Variants in COL6A1 observed in about 807,000 individuals in gnomAD.
COL6A1 encodes the protein collagen type VI alpha 1 chain, also known as collagen alpha-1(VI) chain.
A neutral mutation model predicts 145.6 loss-of-function variants in COL6A1; 80 were observed. The ratio of observed to expected loss-of-function variants is 0.55; its 90% CI spans 0.46 to 0.66. The LOEUF (loss-of-function observed/expected upper bound fraction) is 0.66, where lower values mean the gene tolerates loss of function less well. COL6A1 is among the 30% of genes least tolerant of loss of function. The pLI, the probability that COL6A1 is intolerant of heterozygous loss-of-function variation, is 0.00. For synonymous variants in COL6A1, 638 were observed against 622.8 expected (o/e 1.02, Z -0.36); for missense variants, 1,364 against 1,473.8 (o/e 0.93, Z 1.22).
chr21:45,998,023 G>C, intron 22 of COL6A1, 98 bp from the exon 23 acceptor site: 4 of 1,470,542 alleles, frequency 2.7e-6, no homozygotes, highest in Non-Finnish European at 3.7e-6. Flanking sequence ...TGGGCTGACG[G>C]AGGGGCCCTG....
intron 11 of COL6A1, among the ~76,000 whole-genome samples, 193 bp downstream of exon 11, chr21:45,989,971 T>C (rs980781092): frequency 6.6e-6 from 1 of 152,024 alleles, no homozygotes; most frequent in African/African-American, 2.4e-5. Flanking sequence ...CAAAGGCGCC[T>C]GTGTCACTTT....
Position 45,990,820 on chromosome 21 carries a change from G to T in COL6A1, c.1050G>T (p.Gly350=), listed in dbSNP as rs760497955. Residue 350 remains glycine, a synonymous_variant, in exon 14 of 35, where the codon GGG becomes GGT. Coordinates refer to ENST00000361866, the MANE Select transcript of COL6A1 (RefSeq NM_001848.3). ...TGCCAGGCTGCAAGGGCTCGCCCGGGTTTGACGTAAGTCACTTCCTCTCAC... is the reference window on the plus strand; with the variant it reads ...TGCCAGGCTGCAAGGGCTCGCCCGGTTTTGACGTAAGTCACTTCCTCTCAC... ...PGLPGCKGSP[G]FDGIQGPPGP... The T allele has an allele frequency of 2.5e-6, 4 of 1,613,452 alleles. No individual in the cohort carries two copies. Among genetic ancestry groups the T allele is most frequent in the Non-Finnish European group, 2.5e-6 (3 of 1,180,002 alleles).
Position 45,990,303 on chromosome 21 carries a change from G to T in COL6A1, c.957+19G>T. 1 of 1,612,846 alleles carries T rather than the reference G, an allele frequency of 6.2e-7. No individual in the cohort carries two copies. Among genetic ancestry groups the T allele is most frequent in the Non-Finnish European group, 8.5e-7 (1 of 1,179,998 alleles). The stretch of plus-strand genomic sequence containing the variant: ...CTACAAGGTGAGCGTGGGCTGCTGG[G>T]AGGGGGGAGTTCTGCCCCCACGGCA... On this transcript the variant is annotated intron_variant, in intron 12 of 34. Transcript: ENST00000361866.
At chr21:45,983,351 C>T (rs1299565165) in intron 2 of COL6A1, among the ~76,000 whole-genome samples, 4 of 145,528 alleles carry the variant, frequency 2.7e-5, no homozygotes, top group African/African-American at 8.0e-5. Context: ...GAGGACAGAC[C>T]GGGGGGAGAG....
rs746716644 is a variant in COL6A1, at chr21:45,989,760, A to C, written c.912A>C (p.Lys304Asn). Residue 304 changes from lysine (K) to asparagine (N), a missense_variant, in exon 11 of 35, where the codon AAA (lysine) becomes AAC (asparagine). Physicochemically the swap from Lys to Asn is moderately conservative, Grantham distance 94 (BLOSUM62 0). Around this residue, in one of 3 missense-constraint regions of COL6A1, gnomAD observed 414 missense variants for 437.6 expected, o/e 0.95. Transcript: ENST00000361866. ...TTCCGCTGGGTGTGTAGGGAGAAAA[A>C]GGGAGCCGTGGGGAGAAGGTGAGTG... ...PVGYQGMKGE[K>N]GSRGEKGSRG... 2 of 1,612,792 alleles carry C rather than the reference A, an allele frequency of 1.2e-6. No individual in the cohort carries two copies. Among genetic ancestry groups the C allele is most frequent in the South Asian group, 2.2e-5 (2 of 91,072 alleles).
chr21:45,994,015 G>T lies in COL6A1; in HGVS notation c.1336-152G>T, dbSNP rs2850174. On this transcript the variant is annotated intron_variant, in intron 19 of 34. Coordinates refer to ENST00000361866, the MANE Select transcript of COL6A1 (RefSeq NM_001848.3). The surrounding 1 kb of genome is among the most constrained non-coding windows in gnomAD (Gnocchi z 6.8). ...GGCCACGCACGTGGGCCGAGGAAAC[G>T]CTTGGCGAGGCCAGGAAGGGGCTGT... is the stretch of plus-strand genomic sequence containing the variant. 0.77 allele frequency: 620,439 copies of T among 804,036 alleles called. 240,520 individuals carry two copies. Among genetic ancestry groups the T allele is most frequent in the East Asian group, 0.88 (32,664 of 37,188 alleles). 49.8% of individuals were successfully genotyped at this position (804,036 alleles called of 1,614,324 possible).
intron 23 of COL6A1, 97 bp from the exon 24 acceptor site, chr21:45,998,301 C>CG (rs1333306902): frequency 8.2e-6 from 13 of 1,589,294 alleles, no homozygotes; most frequent in Non-Finnish European, 1.1e-5. Flanking sequence ...ATTCCATGGC[C>CG]GGGATTCTGT....
chr21:45,984,174 G>A (rs2077723986), intron 2 of COL6A1, 95 bp from the exon 3 acceptor site: 2 of 1,230,242 alleles, frequency 1.6e-6, no homozygotes, highest in Non-Finnish European at 1.2e-6. Flanking sequence ...CCAGGGTGGG[G>A]CAGCCTGTCC....
rs2077863754 is a variant in COL6A1, at chr21:46,003,742, T to C, written c.2816T>C (p.Leu939Pro). The C allele has an allele frequency of 1.2e-6, 2 of 1,612,778 alleles. No homozygotes were observed. The highest frequency in any genetic ancestry group is 1.7e-6 in the Non-Finnish European group (2 of 1,179,884). Residue 939 changes from leucine (L) to proline (P), a missense_variant, in exon 35 of 35, where the codon CTG becomes CCG. Leu to Pro is a moderately conservative substitution (Grantham distance 98). Transcript: ENST00000361866. ...EASSGAAKKR[L>P]LLFSDGNSQG... The stretch of plus-strand genomic sequence containing the variant: ...TCGTCCGGCGCTGCCAAGAAGAGGC[T>C]GCTGCTCTTCTCAGATGGCAACTCG...
At chr21:45,990,628 G>T in intron 13 of COL6A1, 145 bp from the exon 14 acceptor site, 1 of 805,042 alleles carries the variant, frequency 1.2e-6, no homozygotes, top group South Asian at 1.4e-5. Flanking sequence ...GGTGGACGGT[G>T]TGAAGGTGAC....
intron 3 of COL6A1, among the ~76,000 whole-genome samples, chr21:45,984,813 C>T (rs2077728664): frequency 6.7e-6 from 1 of 149,228 alleles, no homozygotes; most frequent in Non-Finnish European, 1.5e-5. Flanking sequence ...CACAGAGAGA[C>T]AGAGACGGGA....
Position 45,999,157 on chromosome 21 carries a change from A to G in COL6A1, c.1679A>G (p.Asn560Ser), listed in dbSNP as rs1281514900. Residue 560 changes from asparagine (N) to serine (S), a missense_variant, in exon 26 of 35, where the codon AAC becomes AGC. Physicochemically the swap from Asn to Ser is conservative, Grantham distance 46 (BLOSUM62 1). Transcript: ENST00000361866. Reference protein sequence around the residue: ...GEAGDPGDDNNDIAPRGVKGA... With the variant: ...GEAGDPGDDNSDIAPRGVKGA... Reference sequence around the variant, plus strand: ...CACAACGCTGTTCCCTTCTAGAACAACGACATTGCACCCCGAGGAGTCAAA... The same window carrying G: ...CACAACGCTGTTCCCTTCTAGAACAGCGACATTGCACCCCGAGGAGTCAAA... 5 of 1,599,760 alleles carry G rather than the reference A, an allele frequency of 3.1e-6. No homozygotes were observed. Among genetic ancestry groups the G allele is most frequent in the Non-Finnish European group, 4.3e-6 (5 of 1,174,090 alleles).
rs776819960 is a variant in COL6A1 at position 46,003,830 on chromosome 21, G to A, written c.2904G>A (p.Glu968=). The A allele has an allele frequency of 6.2e-7, 1 of 1,603,682 alleles. No individual in the cohort carries two copies. The highest frequency in any genetic ancestry group is 8.5e-7 in the Non-Finnish European group (1 of 1,172,556). ...AGGAAGCCCAGCGGGCAGGCATCGA[G>A]ATCTTCGTGGTGGTCGTGGGCCGCC... The part of the protein sequence containing the change: ...AVQEAQRAGI[E]IFVVVVGRQV... The change falls in exon 35 of 35, where the codon GAG becomes GAA. Residue 968 remains glutamate, a synonymous_variant. Transcript: ENST00000361866.
chr21:46,000,390 C>T (rs1377170143), intron 28 of COL6A1, 23 bp downstream of exon 28: 2 of 1,613,742 alleles, frequency 1.2e-6, no homozygotes, highest in East Asian at 2.2e-5. Flanking sequence ...GAGAAGCCGT[C>T]CTCGTTAGGG....
Position 46,001,999 on chromosome 21 carries a change from C to A in COL6A1, c.1995C>A (p.Tyr665Ter). The change falls in exon 31 of 35, where the codon TAC (tyrosine) becomes TAA (stop). Residue 665 changes from tyrosine (Y) to a stop codon, truncating the protein, a stop_gained. Transcript: ENST00000361866. LOFTEE classifies it high-confidence loss of function. ...AGTCGTACGCGGGTGTGGTGCAGTA[C>A]AGCCACAGCCAGATGCAGGAGCACG... ...PGQSYAGVVQ[Y>*]SHSQMQEHVS... 1 of 1,612,712 alleles carries A rather than the reference C, an allele frequency of 6.2e-7. No homozygotes were observed. Among genetic ancestry groups the A allele is most frequent in the South Asian group, 1.1e-5 (1 of 91,040 alleles).
chr21:45,990,216 C>A, intron 11 of COL6A1, 42 bp from the exon 12 acceptor site: 1 of 1,612,126 alleles, frequency 6.2e-7, no homozygotes, highest in East Asian at 2.2e-5. Flanking sequence ...CCTGCCCTCC[C>A]CACCCCAAAT....
intron 21 of COL6A1, 44 bp from the exon 22 acceptor site, chr21:45,997,656 A>C: frequency 6.4e-7 from 1 of 1,567,162 alleles, no homozygotes; most frequent in Non-Finnish European, 8.7e-7. Flanking sequence ...CTCCAAGGTC[A>C]CCATGCTAAG....
chr21:45,999,873 A>AGGG (rs2077828847), intron 27 of COL6A1, among the ~76,000 whole-genome samples, 181 bp downstream of exon 27: 1 of 5,992 alleles, frequency 1.7e-4, no homozygotes, highest in Non-Finnish European at 3.4e-4. Flanking sequence ...TGAGGATCAT[A>AGGG]GGGGGATGTG....
intron 19 of COL6A1, 56 bp downstream of exon 19, chr21:45,992,866 G>A: frequency 6.6e-7 from 1 of 1,504,926 alleles, no homozygotes; most frequent in Non-Finnish European, 9.1e-7. Flanking sequence ...GGCGGAGGCT[G>A]GGGCTGGGTC....
Sources: gnomAD v4.1 joint callset for allele counts (sites outside exome capture counted in the v4.1 genomes callset) on GRCh38, gnomAD v4.1.1 for gene constraint, gnomAD v4.1.1 regional missense constraint, Gnocchi (gnomAD v3.1) non-coding constraint, MANE v1.5 for transcripts, NCBI Gene and HGNC (gene_info 2026-07-23, HGNC 2026-07-21) for gene names.